KCNH8: variants seen among roughly 807,000 people sequenced by gnomAD.
The protein encoded by KCNH8 is potassium voltage-gated channel subfamily H member 8, also known as voltage-gated delayed rectifier potassium channel KCNH8.
A neutral mutation model predicts 103.6 loss-of-function variants in KCNH8; 70 were observed. The observed-to-expected ratio is 0.68, with a 90% CI of 0.56 to 0.82. The LOEUF is 0.82. Ranked by LOEUF, KCNH8 falls within the 40% of genes least tolerant of loss-of-function variation. The probability of loss-of-function intolerance (pLI) is 0.00; values close to 1 mark genes in which losing one functional copy is unlikely to be tolerated. For synonymous variants in KCNH8, 498 were observed against 489.4 expected (o/e 1.02, Z -0.23); for missense variants, 1,217 against 1,329.9 (o/e 0.92, Z 1.32).
At chr3:19,323,432 G>C (rs1259566482) in intron 3 of KCNH8, among the ~76,000 whole-genome samples, 1 of 152,064 alleles carries the variant, frequency 6.6e-6, no homozygotes, top group Non-Finnish European at 1.5e-5. Context: ...CTGGGTGACA[G>C]AGCAAGACTG....
chr3:19,267,820 G>C (rs1054324549), intron 2 of KCNH8, among the ~76,000 whole-genome samples: 3 of 152,092 alleles, frequency 2.0e-5, no homozygotes, highest in Admixed American at 6.6e-5. Flanking sequence ...TGTCCCTTAT[G>C]AACTATGTGA....
intron 11 of KCNH8, among the ~76,000 whole-genome samples, chr3:19,481,196 T>A (rs930083565): frequency 1.3e-5 from 2 of 152,078 alleles, no homozygotes; most frequent in Admixed American, 6.6e-5. Flanking sequence ...ATTTATGGGG[T>A]AGAAGTTTAA....
chr3:19,335,435 ATGTGTGTGTG>A (rs1553638879), intron 3 of KCNH8, among the ~76,000 whole-genome samples: 1 of 145,882 alleles, frequency 6.9e-6, no homozygotes, highest in African/African-American at 2.5e-5. Flanking sequence ...GTGTATATAT[ATGTGTGTGTG>A]TATATATATA....
At chr3:19,376,470 G>A (rs934608893) in intron 5 of KCNH8, among the ~76,000 whole-genome samples, 35 of 152,178 alleles carry the variant, frequency 2.3e-4, no homozygotes, top group East Asian at 1.2e-3. Flanking sequence ...TGCACGGTGC[G>A]CGCACCCACT....
chr3:19,430,439 T>G (rs2067103811), intron 7 of KCNH8, among the ~76,000 whole-genome samples: 2 of 152,148 alleles, frequency 1.3e-5, no homozygotes, highest in Non-Finnish European at 2.9e-5. Context: ...TTTATTTGTT[T>G]TGCTTAGGAT....
At chr3:19,353,461 G>A (rs1351790892) in intron 5 of KCNH8, among the ~76,000 whole-genome samples, 1 of 152,142 alleles carries the variant, frequency 6.6e-6, no homozygotes, top group Non-Finnish European at 1.5e-5. Flanking sequence ...TATCCCTGAT[G>A]CACATCAATG....
chr3:19,393,761 A>G (rs1036944733), intron 6 of KCNH8, among the ~76,000 whole-genome samples: 1 of 151,182 alleles, frequency 6.6e-6, no homozygotes, highest in Non-Finnish European at 1.5e-5. Flanking sequence ...AAAAAGAAAT[A>G]AAAGAGCACA....
chr3:19,505,794 C>A (rs2068679840), intron 11 of KCNH8, among the ~76,000 whole-genome samples: 2 of 152,252 alleles, frequency 1.3e-5, no homozygotes, highest in East Asian at 1.9e-4. Flanking sequence ...CTTTCAGGGA[C>A]CCCAGTGATT....
At chr3:19,209,087 T>C (rs1246098168) in intron 1 of KCNH8, among the ~76,000 whole-genome samples, 2 of 152,012 alleles carry the variant, frequency 1.3e-5, no homozygotes, top group Non-Finnish European at 2.9e-5. Context: ...TATATATTCA[T>C]ATTATAATAT....
chr3:19,471,946 T>C (rs2067865711), intron 11 of KCNH8, among the ~76,000 whole-genome samples: 2 of 152,204 alleles, frequency 1.3e-5, no homozygotes, highest in Non-Finnish European at 2.9e-5. Context: ...CACTTTTTGA[T>C]AATTTATTAA....
chr3:19,153,678 G>C (rs2063152879), intron 1 of KCNH8, among the ~76,000 whole-genome samples: 1 of 146,262 alleles, frequency 6.8e-6, no homozygotes, highest in Admixed American at 7.0e-5. Context: ...TGTCGCACAG[G>C]CTGGAGTGCA....
chr3:19,264,233 A>G (rs2064476158), intron 2 of KCNH8, among the ~76,000 whole-genome samples: 1 of 152,128 alleles, frequency 6.6e-6, no homozygotes, highest in Non-Finnish European at 1.5e-5. Context: ...TCATGGTAGC[A>G]GAAAGGCAAA....
chr3:19,513,594 T>A (rs1408889169), intron 13 of KCNH8, among the ~76,000 whole-genome samples: 2 of 152,170 alleles, frequency 1.3e-5, no homozygotes, highest in African/African-American at 2.4e-5. Context: ...TTATGTTAAA[T>A]GTATATTCCT....
At chr3:19,326,563 T>G (rs2065427836) in intron 3 of KCNH8, among the ~76,000 whole-genome samples, 1 of 151,974 alleles carries the variant, frequency 6.6e-6, no homozygotes, top group Non-Finnish European at 1.5e-5. Context: ...CTATTGATTG[T>G]CAACTAATTC....
intron 3 of KCNH8, among the ~76,000 whole-genome samples, chr3:19,318,662 TACACACACACACACACACACAC>T (rs141442113): frequency 1.4e-5 from 2 of 142,522 alleles, no homozygotes; most frequent in Non-Finnish European, 3.1e-5. Context: ...TGTGTGTGTG[TACACACACACACACACACACAC>T]ACATATACGG....
chr3:19,198,232 C>T (rs754032534), intron 1 of KCNH8, among the ~76,000 whole-genome samples: 1 of 152,040 alleles, frequency 6.6e-6, no homozygotes, highest in Admixed American at 6.6e-5. Context: ...GAGGGGCAGT[C>T]CATTGCTGAA....
At chr3:19,308,786 C>CT (rs2065172508) in intron 3 of KCNH8, among the ~76,000 whole-genome samples, 2 of 112,086 alleles carry the variant, frequency 1.8e-5, no homozygotes, top group African/African-American at 9.1e-5. Flanking sequence ...CTCTCTCTCT[C>CT]CCTCTCTCTC....
intron 3 of KCNH8, among the ~76,000 whole-genome samples, chr3:19,327,190 C>T (rs902233034): frequency 1.3e-5 from 2 of 152,148 alleles, no homozygotes; most frequent in Non-Finnish European, 2.9e-5. Flanking sequence ...GTCACAGGAC[C>T]AGCTCAAATT....
At chr3:19,477,695 T>C (rs1292933410) in intron 11 of KCNH8, among the ~76,000 whole-genome samples, 1 of 152,184 alleles carries the variant, frequency 6.6e-6, no homozygotes, top group African/African-American at 2.4e-5. Flanking sequence ...ATGATTATTA[T>C]TGCTAATAAA....
Sources: allele counts gnomAD v4.1 joint callset (sites outside exome capture counted in the v4.1 genomes callset), GRCh38; gene constraint gnomAD v4.1.1; transcripts MANE v1.5; gene names NCBI Gene and HGNC (gene_info 2026-07-23, HGNC 2026-07-21).